MGST2: variants seen among roughly 807,000 people sequenced by gnomAD.
MGST2 encodes the protein glutathione peroxidase MGST2.
MGST2 carries 9 observed loss-of-function variants against 16.6 expected under a neutral mutation model. That is an observed-to-expected ratio of 0.54 (90% confidence interval 0.33 to 0.95). MGST2 has a LOEUF of 0.95. MGST2 is among the 40% of genes least tolerant of loss of function. MGST2 has a pLI of 0.03. For missense variants in MGST2, 159 were observed against 175.1 expected (o/e 0.91, Z 0.52); for synonymous variants, 79 against 68.0 (o/e 1.16, Z -0.79).
intron 1 of MGST2, among the ~76,000 whole-genome samples, chr4:139,673,883 A>C (rs1579289850): frequency 6.6e-6 from 1 of 152,308 alleles, no homozygotes; most frequent in African/African-American, 2.4e-5. Context: ...ATTTCAGGAA[A>C]GCAGAAGGTA....
chr4:139,702,772 A>G lies in MGST2; in HGVS notation c.230-683A>G, dbSNP rs534069391. 6.7e-5 allele frequency among the ~76,000 whole-genome samples: 9 copies of G among 133,452 alleles called. No homozygotes were observed. In the South Asian group the frequency reaches 1.7e-3, roughly 26 times the overall value. The allele number at this position is 133,452 out of a possible 152,430, so 87.5% of individuals were successfully genotyped here. A position where few individuals can be genotyped will look rare whatever the true frequency, so the allele number is the denominator to read the frequency against. On this transcript the variant is annotated intron_variant, in intron 3 of 4. Coordinates refer to ENST00000265498, the MANE Select transcript of MGST2 (RefSeq NM_002413.5). Reference sequence around the variant, plus strand: ...GAACTTTTCCCAAAGTGGCTGTACTATTTTGCATTCCTGCCAATGATGTGT... The same window carrying G: ...GAACTTTTCCCAAAGTGGCTGTACTGTTTTGCATTCCTGCCAATGATGTGT...
chr4:139,670,243 T>G (rs1462369833), intron 1 of MGST2, among the ~76,000 whole-genome samples: 1 of 85,480 alleles, frequency 1.2e-5, no homozygotes, highest in African/African-American at 5.2e-5. Context: ...TATTCTGATT[T>G]CCTTCGGTGG....
chr4:139,677,526 A>T (rs1436887818), intron 1 of MGST2, among the ~76,000 whole-genome samples: 1 of 149,778 alleles, frequency 6.7e-6, no homozygotes, highest in African/African-American at 2.5e-5. Context: ...TTTGAGACAG[A>T]GTTTCACTCT....
chr4:139,674,667 G>C (rs1730874666), intron 1 of MGST2, among the ~76,000 whole-genome samples: 2 of 152,100 alleles, frequency 1.3e-5, no homozygotes, highest in Admixed American at 1.3e-4. Context: ...TGTAATCCCA[G>C]CTACTCAGGA....
chr4:139,738,241 G>A (rs1729021480), intron 5 of MGST2, among the ~76,000 whole-genome samples: 1 of 152,202 alleles, frequency 6.6e-6, no homozygotes, highest in South Asian at 2.1e-4. Context: ...AAATAAAGGG[G>A]AACAAGACTT....
the MGST2 span, among the ~76,000 whole-genome samples, chr4:139,747,298 G>A: frequency 0.1 from 15,337 of 152,222 alleles, 1,002 homozygotes; most frequent in Non-Finnish European, 0.15. Context: ...TGCAGAGCGC[G>A]GGCAACTTTC....
chr4:139,690,671 T>C (rs1000964425), intron 2 of MGST2, among the ~76,000 whole-genome samples: 5 of 152,184 alleles, frequency 3.3e-5, no homozygotes, highest in African/African-American at 1.2e-4. Context: ...GTTAGAGCTA[T>C]GCAATCAGAA....
chr4:139,671,157 A>C (rs1730673540), intron 1 of MGST2, among the ~76,000 whole-genome samples: 1 of 152,102 alleles, frequency 6.6e-6, no homozygotes, highest in South Asian at 2.1e-4. Context: ...CTAAACTCCA[A>C]AAGGGAGGGG....
intron 5 of MGST2, chr4:139,725,804 T>C: frequency 6.2e-7 from 1 of 1,613,794 alleles, no homozygotes; most frequent in South Asian, 1.1e-5. Flanking sequence ...TGGCTGGAGG[T>C]GCTGCCGGGG....
At chr4:139,673,415 A>G (rs1287383522) in intron 1 of MGST2, among the ~76,000 whole-genome samples, 1 of 129,464 alleles carries the variant, frequency 7.7e-6, no homozygotes, top group Non-Finnish European at 1.5e-5. Flanking sequence ...AATTTTATTT[A>G]TTTTATTGTT....
At chr4:139,722,457 TG>T (rs1192180942) in intron 5 of MGST2, among the ~76,000 whole-genome samples, 1 of 152,240 alleles carries the variant, frequency 6.6e-6, no homozygotes, top group African/African-American at 2.4e-5. Flanking sequence ...CAACAGATTA[TG>T]TTTTCTTTTT....
chr4:139,737,907 G>T (rs1450458973), intron 5 of MGST2, among the ~76,000 whole-genome samples: 1 of 152,226 alleles, frequency 6.6e-6, no homozygotes, highest in African/African-American at 2.4e-5. Flanking sequence ...GATGTGTGAT[G>T]GTTGTGTCCC....
At chr4:139,670,393 T>A (rs895962201) in intron 1 of MGST2, among the ~76,000 whole-genome samples, 1 of 151,780 alleles carries the variant, frequency 6.6e-6, no homozygotes, top group African/African-American at 2.4e-5. Flanking sequence ...CCCAAGGCAA[T>A]TGGGTTACAG....
At chr4:139,727,404 G>T (rs923888858) in intron 5 of MGST2, among the ~76,000 whole-genome samples, 3 of 152,182 alleles carry the variant, frequency 2.0e-5, no homozygotes, top group African/African-American at 7.2e-5. Flanking sequence ...TATAATATAA[G>T]AATTTAACTG....
In MGST2 at chr4:139,715,173, A is replaced by G. The variant is rs1048566413; in HGVS notation, c.*48+10977A>G. On this transcript the variant is annotated intron_variant, in intron 5 of 5. Coordinates refer to the MGST2 transcript ENST00000616265. The surrounding 1 kb of genome is among the most constrained non-coding windows in gnomAD (Gnocchi z 4.4). ...TTTAACCACCTCTATCTTAGGAGAG[A>G]CTCTAACTCCACTAAGCTGGGCCTC... Among the ~76,000 whole-genome samples, 1 of 151,784 alleles carries G rather than the reference A, an allele frequency of 6.6e-6. No homozygotes were observed. Among genetic ancestry groups the G allele is most frequent in the African/African-American group, 2.4e-5 (1 of 41,318 alleles).
At chr4:139,714,062 AG>A (rs1727841437) in intron 5 of MGST2, among the ~76,000 whole-genome samples, 1 of 152,206 alleles carries the variant, frequency 6.6e-6, no homozygotes, top group South Asian at 2.1e-4. Flanking sequence ...CATGGTTAAA[AG>A]GTCAAGCTCC....
intron 5 of MGST2, among the ~76,000 whole-genome samples, chr4:139,721,694 G>A (rs1728240096): frequency 6.6e-6 from 1 of 152,066 alleles, no homozygotes; most frequent in Non-Finnish European, 1.5e-5. Flanking sequence ...ATATCATACT[G>A]CATTGAAAAA....
intron 5 of MGST2, among the ~76,000 whole-genome samples, chr4:139,723,288 CTT>C (rs1363472345): frequency 1.3e-5 from 2 of 152,094 alleles, no homozygotes. Context: ...TTTCAGGTGA[CTT>C]TAATTTTTGT....
chr4:139,673,654 T>C (rs1297691606), intron 1 of MGST2, among the ~76,000 whole-genome samples: 2 of 152,184 alleles, frequency 1.3e-5, no homozygotes, highest in East Asian at 3.9e-4. Context: ...GCTCAAGCAG[T>C]CCTCCTGCCT....
Sources: gnomAD v4.1 joint callset for allele counts (sites outside exome capture counted in the v4.1 genomes callset) on GRCh38, gnomAD v4.1.1 for gene constraint, Gnocchi (gnomAD v3.1) non-coding constraint, MANE v1.5 for transcripts, NCBI Gene and HGNC (gene_info 2026-07-23, HGNC 2026-07-21) for gene names.